Variants in C14orf93 observed in about 807,000 individuals in gnomAD.
C14orf93 encodes the protein uncharacterized protein C14orf93.
C14orf93 carries 23 observed loss-of-function variants against 44.0 expected under a neutral mutation model. The ratio of observed to expected loss-of-function variants is 0.52; its 90% confidence interval spans 0.38 to 0.74. The LOEUF (loss-of-function observed/expected upper bound fraction) is 0.74, where lower values mean the gene tolerates loss of function less well. C14orf93 is among the 30% of genes least tolerant of loss of function. The pLI is 0.00. For missense variants in C14orf93, 579 were observed against 678.9 expected (o/e 0.85, Z 1.64); for synonymous variants, 253 against 265.7 (o/e 0.95, Z 0.46).
Position 22,998,477 on chromosome 14 carries a change from G to T in C14orf93, c.547C>A (p.Leu183Ile). Residue 183 changes from leucine to isoleucine, a missense_variant, in exon 2 of 7, where the codon CTC becomes ATC. Physicochemically the swap from Leu to Ile is conservative, Grantham distance 5 (BLOSUM62 2). Transcript: ENST00000299088. ...GFPATQRDMR[L>I]PGCTLAASEA... is the part of the protein sequence containing the mutation. ...CTGGCAGCCAGCGTGCACCCTGGGA[G>T]CCGCATGTCCCTCTGAGTTGCTGGG... 1 of 1,609,748 alleles carries T rather than the reference G, an allele frequency of 6.2e-7. No homozygotes were observed. Among genetic ancestry groups the T allele is most frequent in the South Asian group, 1.1e-5 (1 of 90,668 alleles).
At chr14:22,993,179 C>T (rs1312340543) in intron 3 of C14orf93, among the ~76,000 whole-genome samples, 2 of 152,212 alleles carry the variant, frequency 1.3e-5, no homozygotes, top group Non-Finnish European at 2.9e-5. Context: ...CGCACCCGGC[C>T]CTAATGCAGG....
chr14:23,006,857 C>T (rs2046641605), intron 1 of C14orf93: 1 of 152,314 alleles, frequency 6.6e-6, no homozygotes, highest in Admixed American at 6.5e-5. Context: ...TCTGGGAGTC[C>T]CGGGTAAAGG....
chr14:22,987,133 CAT>C lies in C14orf93; in HGVS notation c.*80_*81del. On this transcript the variant is annotated 3_prime_UTR_variant, in exon 7 of 7. Coordinates refer to ENST00000299088, the MANE Select transcript of C14orf93 (RefSeq NM_021944.4). This position sits in a 1 kb window ranked among gnomAD's most constrained non-coding sequence, Gnocchi z 5.6. The stretch of plus-strand genomic sequence containing the variant: ...CTTTCTCAGACTGCACAGAGCATCT[CAT>C]TATTTTGTGAAGCCCCATGGCCACC... The C allele has an allele frequency of 2.9e-6, 4 of 1,402,668 alleles. No homozygotes were observed. Among genetic ancestry groups the C allele is most frequent in the Non-Finnish European group, 3.8e-6 (4 of 1,040,504 alleles). 86.9% of individuals were successfully genotyped at this position (1,402,668 alleles called of 1,614,324 possible).
Position 22,999,006 on chromosome 14 carries a change from G to A in C14orf93, c.18C>T (p.Thr6=). The change falls in exon 2 of 7, where the codon ACC becomes ACT. Residue 6 remains threonine (T), a synonymous_variant. Coordinates refer to ENST00000299088, the MANE Select transcript of C14orf93 (RefSeq NM_021944.4). ...TGCCACTGGGAGGGGAGAAGAGAATGGTGGCACTGAAGGACATGGCGGATG... is the reference window on the plus strand; with the variant it reads ...TGCCACTGGGAGGGGAGAAGAGAATAGTGGCACTGAAGGACATGGCGGATG... MSFSA[T]ILFSPPSGSE... 2 of 1,611,320 alleles carry A rather than the reference G, an allele frequency of 1.2e-6. No individual in the cohort carries two copies. Among genetic ancestry groups the A allele is most frequent in the Non-Finnish European group, 1.7e-6 (2 of 1,179,468 alleles).
At chr14:23,003,932 C>CAA (rs1179740196) in intron 1 of C14orf93, among the ~76,000 whole-genome samples, 6 of 33,272 alleles carry the variant, frequency 1.8e-4, no homozygotes, top group Non-Finnish European at 2.7e-4. Context: ...TTTTTTGAGA[C>CAA]AGAGTCTCGC....
intron 2 of C14orf93, 151 bp downstream of exon 2, chr14:22,998,276 A>T: frequency 8.8e-7 from 1 of 1,140,752 alleles, no homozygotes; most frequent in Non-Finnish European, 1.2e-6. Context: ...AGAGCTGACT[A>T]TCCCTGAAGG....
rs545530184 is a variant in C14orf93 at position 22,996,253 on chromosome 14, C to G, written c.613G>C (p.Val205Leu). 1 of 1,552,224 alleles carries G rather than the reference C, an allele frequency of 6.4e-7. No homozygotes were observed. Among genetic ancestry groups the G allele is most frequent in the African/African-American group, 1.4e-5 (1 of 73,000 alleles). The change falls in exon 3 of 7, where the codon GTG (valine) becomes CTG (leucine). Residue 205 changes from valine to leucine, a missense_variant. Transcript: ENST00000299088. The surrounding 1 kb of genome is among the most constrained non-coding windows in gnomAD (Gnocchi z 4.1). ...PLLNPLVDDYVASEGAVQRVL... is the reference protein window; with the variant it reads ...PLLNPLVDDYLASEGAVQRVL... ...CGCTGTACTGCACCCTCAGAGGCCA[C>G]GTAATCATCCACCAGCTAAGAACAT...
Position 22,999,393 on chromosome 14 carries a change from C to T in C14orf93, c.-370G>A, listed in dbSNP as rs114523003. 3,545 of 183,736 alleles carry T rather than the reference C, an allele frequency of 0.019. 136 individuals carry two copies. Among genetic ancestry groups the T allele is most frequent in the African/African-American group, 0.077 (3,281 of 42,494 alleles). 11.4% of individuals were successfully genotyped at this position (183,736 alleles called of 1,614,324 possible). A position where few individuals can be genotyped will look rare whatever the true frequency, so the allele number is the denominator to read the frequency against. On this transcript the variant is annotated 5_prime_UTR_variant, in exon 2 of 7. Coordinates refer to ENST00000299088, the MANE Select transcript of C14orf93 (RefSeq NM_021944.4). ...GAACAGGGAAGGGATTCAGAAGGAC[C>T]TTCCGGCATCTGGAAAGATTAGAAG... is the stretch of plus-strand genomic sequence containing the variant.
intron 3 of C14orf93, among the ~76,000 whole-genome samples, chr14:22,992,128 A>G (rs537985515): frequency 2.6e-5 from 4 of 152,292 alleles, no homozygotes; most frequent in African/African-American, 9.6e-5. Flanking sequence ...TGAGTTCTCC[A>G]TTCTGAGTCA....
intron 3 of C14orf93, among the ~76,000 whole-genome samples, chr14:22,994,734 GAA>G (rs58652858): frequency 4.0e-5 from 5 of 123,738 alleles, no homozygotes; most frequent in African/African-American, 1.1e-4. Flanking sequence ...TCTCAAGAAA[GAA>G]AAAAAAAAAA....
At chr14:23,004,831 T>A (rs2046546561) in intron 1 of C14orf93, among the ~76,000 whole-genome samples, 1 of 152,004 alleles carries the variant, frequency 6.6e-6, no homozygotes, top group South Asian at 2.1e-4. Flanking sequence ...GGCAGGAGAA[T>A]CACTTGAACC....
intron 3 of C14orf93, among the ~76,000 whole-genome samples, chr14:22,995,246 A>C (rs1321470748): frequency 6.6e-6 from 1 of 152,198 alleles, no homozygotes; most frequent in African/African-American, 2.4e-5. Context: ...CCACCTCAGG[A>C]CAGCTTCACT....
At chr14:23,003,874 ATATATATATATATATATATATATATTTT>A (rs1348469934) in intron 1 of C14orf93, among the ~76,000 whole-genome samples, 1 of 12,126 alleles carries the variant, frequency 8.2e-5, no homozygotes, top group African/African-American at 3.6e-4. Context: ...ATATATATAT[ATATATATATATATATATATATATATTTT>A]TTTTTTTTTT....
chr14:22,987,375 TG>T lies in C14orf93; in HGVS notation c.1456del (p.Gln486SerfsTer41). On this transcript the variant is annotated frameshift_variant, in exon 7 of 7. Coordinates refer to ENST00000299088, the MANE Select transcript of C14orf93 (RefSeq NM_021944.4). LOFTEE classifies it high-confidence loss of function. The surrounding 1 kb of genome is among the most constrained non-coding windows in gnomAD (Gnocchi z 5.6). ...PSDRLPSAEA[Q>X]LLPPELYNPN... ...ATTGTAAAGTTCTGGTGGAAGGAGC[TG>T]GGCTTCAGCAGAAGGCAGTCTGTCT... 1 of 1,614,248 alleles carries T rather than the reference TG, an allele frequency of 6.2e-7. No individual in the cohort carries two copies. Among genetic ancestry groups the T allele is most frequent in the Non-Finnish European group, 8.5e-7 (1 of 1,180,048 alleles).
chr14:22,994,620 C>T (rs558032319), intron 3 of C14orf93, among the ~76,000 whole-genome samples: 3 of 151,474 alleles, frequency 2.0e-5, no homozygotes, highest in East Asian at 1.9e-4. Flanking sequence ...CCCAGCTACT[C>T]GGGAGGCTGA....
At chr14:23,008,011 G>C (rs143404062) in intron 1 of C14orf93, among the ~76,000 whole-genome samples, 2 of 151,894 alleles carry the variant, frequency 1.3e-5, no homozygotes, top group Non-Finnish European at 1.5e-5. Context: ...AAATCAGCCC[G>C]GCATGGTGGC....
chr14:22,995,903 T>C, intron 3 of C14orf93, 45 bp downstream of exon 3: 1 of 1,505,382 alleles, frequency 6.6e-7, no homozygotes, highest in Non-Finnish European at 8.9e-7. Flanking sequence ...TCTTCACTTA[T>C]CTCTCCAGAC....
At chr14:23,003,877 TATATATA>T (rs2046446659) in intron 1 of C14orf93, among the ~76,000 whole-genome samples, 1 of 14,930 alleles carries the variant, frequency 6.7e-5, no homozygotes, top group Non-Finnish European at 1.3e-4. Flanking sequence ...TATATATATA[TATATATA>T]TATATATATA....
intron 3 of C14orf93, among the ~76,000 whole-genome samples, chr14:22,992,658 A>T (rs2045724821): frequency 1.3e-5 from 2 of 150,542 alleles, no homozygotes; most frequent in South Asian, 4.2e-4. Context: ...GCTCACTGCA[A>T]CCTCTGCCTC....
Sources: gnomAD v4.1 joint callset for allele counts (sites outside exome capture counted in the v4.1 genomes callset) on GRCh38, gnomAD v4.1.1 for gene constraint, Gnocchi (gnomAD v3.1) non-coding constraint, MANE v1.5 for transcripts, NCBI Gene and HGNC (gene_info 2026-07-23, HGNC 2026-07-21) for gene names.